Variants in CPSF7 observed in about 807,000 individuals in gnomAD.
CPSF7 encodes cleavage and polyadenylation specificity factor subunit 7.
CPSF7 carries 1 observed loss-of-function variant against 44.3 expected under a neutral mutation model. The observed-to-expected ratio is 0.02, with a 90% CI of 0.01 to 0.11. CPSF7 has a LOEUF of 0.11. Among genes scored for constraint, CPSF7 ranks in the 10% least tolerant of loss-of-function variants. CPSF7 has a pLI of 1.00. For synonymous variants in CPSF7, 202 were observed against 222.0 expected, an observed-to-expected ratio of 0.91 and a Z score of 0.80; for missense variants, 443 against 607.2, an observed-to-expected ratio of 0.73 and a Z score of 2.84.
At chr11:61,420,410 T>C in intron 4 of CPSF7, 60 bp downstream of exon 4, 1 of 1,450,458 alleles carries the variant, frequency 6.9e-7, no homozygotes, top group Non-Finnish European at 9.7e-7. Flanking sequence ...CAAAATATAG[T>C]ACAGATCTTT....
chr11:61,416,083 T>C (rs780561823), intron 6 of CPSF7, 22 bp downstream of exon 6: 5 of 1,490,158 alleles, frequency 3.4e-6, no homozygotes, highest in Non-Finnish European at 4.5e-6. Context: ...GGCTCAAATC[T>C]GAAAGGAACA....
intron 9 of CPSF7, among the ~76,000 whole-genome samples, chr11:61,408,718 AT>A (rs1859559739): frequency 6.6e-6 from 1 of 152,186 alleles, no homozygotes; most frequent in Non-Finnish European, 1.5e-5. Context: ...CCCTACCAAT[AT>A]GGAGCCTGTC....
intron 9 of CPSF7, among the ~76,000 whole-genome samples, chr11:61,409,582 A>G (rs1859664552): frequency 6.6e-6 from 1 of 152,238 alleles, no homozygotes; most frequent in African/African-American, 2.4e-5. Context: ...AAAGCCTCTA[A>G]ACCTGTTAAA....
chr11:61,412,284 ATTTT>A (rs551458293), intron 7 of CPSF7, among the ~76,000 whole-genome samples: 2 of 149,134 alleles, frequency 1.3e-5, no homozygotes. Flanking sequence ...TTTAGTGTTT[ATTTT>A]TTTTCATTTT....
At chr11:61,421,744 A>C (rs1246371851) in intron 2 of CPSF7, 136 bp from the exon 3 acceptor site, 1 of 639,274 alleles carries the variant, frequency 1.6e-6, no homozygotes, top group Admixed American at 3.0e-5. Context: ...CCAGGAAACA[A>C]AGTAAGAAAA....
chr11:61,415,645 C>A (rs770308764), intron 7 of CPSF7, 21 bp downstream of exon 7: 1 of 1,466,234 alleles, frequency 6.8e-7, no homozygotes, highest in South Asian at 1.1e-5. Context: ...GAGAAGGCAG[C>A]AAAGGTAAGC....
At chr11:61,410,006 G>A (rs1219905456) in intron 9 of CPSF7, among the ~76,000 whole-genome samples, 1 of 152,184 alleles carries the variant, frequency 6.6e-6, no homozygotes, top group East Asian at 1.9e-4. Context: ...TGTTGCTCAG[G>A]CTGGTCTCAA....
chr11:61,419,830 T>C, intron 5 of CPSF7, 119 bp downstream of exon 5: 2 of 1,224,560 alleles, frequency 1.6e-6, no homozygotes, highest in Non-Finnish European at 1.1e-6. Context: ...ACCATCACCC[T>C]CCCCCAAACT....
intron 8 of CPSF7, 114 bp from the exon 9 acceptor site, chr11:61,411,219 T>C (rs1859823410): frequency 9.6e-7 from 1 of 1,042,964 alleles, no homozygotes; most frequent in Non-Finnish European, 1.4e-6. Flanking sequence ...TACTCTATCA[T>C]GGGCCTGCTG....
chr11:61,411,067 G>A lies in CPSF7; in HGVS notation c.1265C>T (p.Ser422Phe). The change falls in exon 9 of 10, where the codon TCC becomes TTC. Residue 422 changes from serine to phenylalanine, a missense_variant. Ser to Phe is a radical substitution (Grantham distance 155). Transcript: ENST00000439958. ...HRSRERSPSRSRESSRRHRDL... is the reference protein window; with the variant it reads ...HRSRERSPSRFRESSRRHRDL... ...CCGGTGCCTCCTGCTGCTCTCCCGG[G>A]ACCGGCTAGGTGACCTTTCCCGGGA... 1.2e-6 allele frequency: 2 copies of A among 1,612,688 alleles called. No homozygotes were observed. Among genetic ancestry groups the A allele is most frequent in the Non-Finnish European group, 1.7e-6 (2 of 1,179,680 alleles).
intron 2 of CPSF7, among the ~76,000 whole-genome samples, chr11:61,424,746 C>T (rs1391588973): frequency 6.6e-6 from 1 of 152,080 alleles, no homozygotes. Context: ...AGCCACTGCA[C>T]CCAGCCTTCT....
At chr11:61,417,170 C>A (rs1455923259) in intron 5 of CPSF7, among the ~76,000 whole-genome samples, 1 of 152,152 alleles carries the variant, frequency 6.6e-6, no homozygotes, top group Non-Finnish European at 1.5e-5. Flanking sequence ...GCCCACAGCA[C>A]AAGCAGATAG....
chr11:61,407,796 C>T (rs1229957865), intron 9 of CPSF7, among the ~76,000 whole-genome samples: 1 of 152,166 alleles, frequency 6.6e-6, no homozygotes, highest in Admixed American at 6.5e-5. Context: ...AAGAACAAGA[C>T]AGAGGGCAGT....
At position 61,404,955 on chromosome 11, in the gene CPSF7, G is replaced by GA. The variant is rs200174043; in HGVS notation, c.*6-252dup. Among the ~76,000 whole-genome samples the GA allele has an allele frequency of 1.5e-4, 23 of 152,240 alleles. No homozygotes were observed. The East Asian group carries it at 3.1e-3, about 20-fold the overall frequency. Reference sequence around the variant, plus strand: ...GTGACATCCACTATAAAGATTCGGTGAAAAAACAGAACAAAATGAGGTCTC... The same window carrying GA: ...GTGACATCCACTATAAAGATTCGGTGAAAAAAACAGAACAAAATGAGGTCTC... On this transcript the variant is annotated intron_variant, in intron 9 of 9. Coordinates refer to ENST00000439958, the MANE Select transcript of CPSF7 (RefSeq NM_001142565.3).
intron 2 of CPSF7, among the ~76,000 whole-genome samples, chr11:61,422,296 C>T (rs1238930162): frequency 6.6e-6 from 1 of 151,722 alleles, no homozygotes; most frequent in African/African-American, 2.4e-5. Flanking sequence ...CAATGCATTA[C>T]CATGACATGT....
chr11:61,420,081 C>T lies in CPSF7; in HGVS notation c.391G>A (p.Val131Met), dbSNP rs1396752337. ...NGQSKGYAEVVVASENSVHKL... is the reference protein window; with the variant it reads ...NGQSKGYAEVMVASENSVHKL... ...TGGACAGAGTTTTCAGAGGCTACCA[C>T]CACCTCAGCATACCTTAGGAAAGAA... Residue 131 changes from valine to methionine, a missense_variant, in exon 5 of 10, where the codon GTG (valine) becomes ATG (methionine). Transcript: ENST00000439958. 1.2e-6 allele frequency: 2 copies of T among 1,613,308 alleles called. No individual in the cohort carries two copies. The highest frequency in any genetic ancestry group is 1.7e-6 in the Non-Finnish European group (2 of 1,179,438).
Position 61,412,604 on chromosome 11 carries a change from A to T in CPSF7, c.1058-667T>A, listed in dbSNP as rs117499181. On this transcript the variant is annotated intron_variant, in intron 7 of 9. Coordinates refer to ENST00000439958, the MANE Select transcript of CPSF7 (RefSeq NM_001142565.3). ...GCGCCCGGCCAGTGTTGTTTGTTAT[A>T]TTATCTTCAATAGGGTCTGGCTATA... is the stretch of plus-strand genomic sequence containing the variant. 5.9e-3 allele frequency among the ~76,000 whole-genome samples: 902 copies of T among 152,220 alleles called. 4 individuals carry two copies. The highest frequency in any genetic ancestry group is 9.7e-3 in the Non-Finnish European group (661 of 67,992).
intron 9 of CPSF7, among the ~76,000 whole-genome samples, chr11:61,406,684 A>G (rs975757254): frequency 3.9e-5 from 6 of 152,204 alleles, no homozygotes; most frequent in Admixed American, 3.9e-4. Context: ...CAGCATTTTC[A>G]AAGTTACCAA....
chr11:61,406,213 T>C (rs1859303485), intron 9 of CPSF7: 4 of 152,158 alleles, frequency 2.6e-5, no homozygotes, highest in Admixed American at 2.6e-4. Flanking sequence ...AAATCAGAGA[T>C]TCCTTCAAGT....
Sources: gnomAD v4.1 joint callset for allele counts (sites outside exome capture counted in the v4.1 genomes callset) on GRCh38, gnomAD v4.1.1 for gene constraint, MANE v1.5 for transcripts, NCBI Gene and HGNC (gene_info 2026-07-23, HGNC 2026-07-21) for gene names.